The following NCOR1 variants were observed in gnomAD, a reference collection of about 807,000 sequenced individuals.
The protein encoded by NCOR1 is protein phosphatase 1, regulatory subunit 109.
A neutral mutation model predicts 288.1 loss-of-function variants in NCOR1; 63 were observed. That is an observed-to-expected ratio of 0.22 (90% CI 0.18 to 0.27). NCOR1 has a LOEUF of 0.27. NCOR1 is among the 10% of genes least tolerant of loss of function. The pLI is 1.00. For missense variants in NCOR1, 2,397 were observed against 3,019.2 expected, an observed-to-expected ratio of 0.79 and a Z score of 4.83; for synonymous variants, 1,007 against 1,065.9, an observed-to-expected ratio of 0.94 and a Z score of 1.08.
chr17:16,037,805 A>C (rs1202932702), intron 44 of NCOR1, among the ~76,000 whole-genome samples: 1 of 152,232 alleles, frequency 6.6e-6, no homozygotes, highest in Non-Finnish European at 1.5e-5. Context: ...AACTCAGCAG[A>C]ATTTCACAGA....
intron 26 of NCOR1, among the ~76,000 whole-genome samples, chr17:16,078,165 A>G (rs892930580): frequency 6.6e-6 from 1 of 152,202 alleles, no homozygotes; most frequent in Non-Finnish European, 1.5e-5. Flanking sequence ...TGCAAGAGAG[A>G]GCAGCTTGGT....
rs1971770165 is a variant in NCOR1, at chr17:16,029,632, A to G, written c.*2664T>C. On this transcript the variant is annotated 3_prime_UTR_variant, in exon 46 of 46. Coordinates refer to ENST00000268712, the MANE Select transcript of NCOR1 (RefSeq NM_006311.4). ...ACACTGAAATCTAAGTCTACAAAGA[A>G]TATCATGTTTTGGTTTGCAGTGAAC... 1 of 173,062 alleles carries G rather than the reference A, an allele frequency of 5.8e-6. No homozygotes were observed. Among genetic ancestry groups the G allele is most frequent in the Admixed American group, 5.8e-5 (1 of 17,322 alleles). 10.7% of individuals were successfully genotyped at this position (173,062 alleles called of 1,614,324 possible).
chr17:16,147,717 C>T (rs2078208959), intron 9 of NCOR1, among the ~76,000 whole-genome samples: 1 of 152,188 alleles, frequency 6.6e-6, no homozygotes, highest in Non-Finnish European at 1.5e-5. Flanking sequence ...TGTCCTTCAT[C>T]TTTTCTCCTT....
intron 44 of NCOR1, among the ~76,000 whole-genome samples, chr17:16,038,143 T>A (rs2056802331): frequency 6.6e-6 from 1 of 152,012 alleles, no homozygotes. Flanking sequence ...TGCTTGAAGA[T>A]AACAGGAAAA....
chr17:16,143,553 TTAAAATGCTTTAA>T (rs1205124663), intron 11 of NCOR1, 40 bp downstream of exon 11: 1 of 1,419,512 alleles, frequency 7.0e-7, no homozygotes, highest in African/African-American at 1.4e-5. Flanking sequence ...TCCTACAGAG[TTAAAATGCTTTAA>T]TAATTAACGA....
chr17:16,088,905 T>C (rs1015281765), intron 22 of NCOR1, among the ~76,000 whole-genome samples: 3 of 152,172 alleles, frequency 2.0e-5, no homozygotes, highest in African/African-American at 4.8e-5. Context: ...ATCAAGACGA[T>C]GGTACTTTTT....
chr17:16,174,240 C>T (rs773799080), intron 3 of NCOR1, among the ~76,000 whole-genome samples: 4 of 152,138 alleles, frequency 2.6e-5, no homozygotes, highest in Non-Finnish European at 4.4e-5. Flanking sequence ...AACAGCCAAA[C>T]AATCTTGGAA....
chr17:16,032,897 C>A (rs2151780385), intron 45 of NCOR1, among the ~76,000 whole-genome samples: 1 of 152,322 alleles, frequency 6.6e-6, no homozygotes, highest in African/African-American at 2.4e-5. Context: ...CGTCTGCAGA[C>A]TGAGGGGCAG....
intron 1 of NCOR1, among the ~76,000 whole-genome samples, chr17:16,207,649 G>C (rs950216920): frequency 6.6e-6 from 1 of 151,154 alleles, no homozygotes; most frequent in African/African-American, 2.4e-5. Context: ...GCTGAGGCAG[G>C]AGAATGGTGT....
chr17:16,039,770 A>T (rs1335788736), intron 43 of NCOR1, 116 bp from the exon 44 acceptor site: 1 of 912,794 alleles, frequency 1.1e-6, no homozygotes, highest in Non-Finnish European at 1.7e-6. Context: ...GACCTAGAAC[A>T]ATACCAGGAC....
chr17:16,091,575 G>A (rs1012580588), intron 22 of NCOR1: 100 of 1,221,904 alleles, frequency 8.2e-5, no homozygotes, highest in Admixed American at 1.1e-4. Flanking sequence ...TCAGATGAAC[G>A]GAACATAAAG....
intron 19 of NCOR1, among the ~76,000 whole-genome samples, chr17:16,107,054 G>A (rs938565480): frequency 3.3e-5 from 5 of 150,936 alleles, no homozygotes; most frequent in African/African-American, 7.3e-5. Context: ...CACCATGCCC[G>A]GCTAACTTTT....
At position 16,032,037 on chromosome 17, in the gene NCOR1, A is replaced by T. The variant is rs1289287050; in HGVS notation, c.*259T>A. Reference sequence around the variant, plus strand: ...TAAGAACAGCAACTGTTCACTTTTTAAAAACTCTACATCTCAACCCTCCAC... The same window carrying T: ...TAAGAACAGCAACTGTTCACTTTTTTAAAACTCTACATCTCAACCCTCCAC... On this transcript the variant is annotated 3_prime_UTR_variant, in exon 46 of 46. Transcript: ENST00000268712. The T allele has an allele frequency of 1.9e-5, 8 of 429,546 alleles. No homozygotes were observed. The highest frequency in any genetic ancestry group is 3.3e-5 in the Non-Finnish European group (8 of 243,486). The allele number at this position is 429,546 out of a possible 1,614,324, so 26.6% of individuals were successfully genotyped here. A position where few individuals can be genotyped will look rare whatever the true frequency, so the allele number is the denominator to read the frequency against.
intron 6 of NCOR1, among the ~76,000 whole-genome samples, chr17:16,158,271 G>A (rs1568383886): frequency 6.6e-6 from 1 of 152,132 alleles, no homozygotes; most frequent in Non-Finnish European, 1.5e-5. Flanking sequence ...ACCATGCCCC[G>A]CCTTGAACTT....
At position 16,080,631 on chromosome 17, in the gene NCOR1, G is replaced by A. The variant is rs759870954; in HGVS notation, c.3274C>T (p.Arg1092Trp). ...CCTGATTTGGCAGATTCCTGTTGCC[G>A]TGGCAGTCCAAGAGAGATAGATCCC... The part of the protein sequence containing the change: ...SVGSISLGLP[R>W]QQESAKSATL... The change falls in exon 24 of 46, where the codon CGG (arginine) becomes TGG (tryptophan). Residue 1092 changes from arginine (R) to tryptophan (W), a missense_variant. Physicochemically the swap from Arg to Trp is moderately radical, Grantham distance 101. Around this residue, in one of 11 missense-constraint regions of NCOR1, gnomAD observed 1,872 missense variants for 2,187.8 expected, o/e 0.86. Transcript: ENST00000268712. 1.1e-5 allele frequency: 17 copies of A among 1,614,050 alleles called. No homozygotes were observed. Among genetic ancestry groups the A allele is most frequent in the Middle Eastern group, 1.6e-4 (1 of 6,062 alleles).
At position 16,031,288 on chromosome 17, in the gene NCOR1, G is replaced by T. The variant is rs1323919990; in HGVS notation, c.*1008C>A. The T allele has an allele frequency of 1.5e-5, 3 of 193,832 alleles. No individual in the cohort carries two copies. The highest frequency in any genetic ancestry group is 7.0e-5 in the African/African-American group (3 of 43,160). The allele number at this position is 193,832 out of a possible 1,614,324, so 12.0% of individuals were successfully genotyped here. On this transcript the variant is annotated 3_prime_UTR_variant, in exon 46 of 46. Coordinates refer to ENST00000268712, the MANE Select transcript of NCOR1 (RefSeq NM_006311.4). ...ATAAAGCTTATCTAAATACTACACA[G>T]ATCATTATCTTTTAACCCAACCAAT...
chr17:16,101,802 G>A (rs2153001397), intron 19 of NCOR1, 45 bp from the exon 20 acceptor site: 1 of 1,607,266 alleles, frequency 6.2e-7, no homozygotes, highest in Non-Finnish European at 8.5e-7. Context: ...ACTATTTTCT[G>A]CACCTTAAAG....
chr17:16,101,687 A>G lies in NCOR1; in HGVS notation c.2253T>C (p.Val751=), dbSNP rs925876744. The part of the protein sequence containing the change: ...ATSRGNTEPA[V]ELEPTTETAP... ...CAGTTTCCGTGGTGGGCTCAAGCTC[A>G]ACCGCAGGTTCTGTGTTTCCTCGAG... The change falls in exon 20 of 46, where the codon GTT becomes GTC. Residue 751 remains valine (V), a synonymous_variant. Coordinates refer to ENST00000268712, the MANE Select transcript of NCOR1 (RefSeq NM_006311.4). 3.1e-6 allele frequency: 5 copies of G among 1,614,114 alleles called. No individual in the cohort carries two copies. Among genetic ancestry groups the G allele is most frequent in the Admixed American group, 3.3e-5 (2 of 60,008 alleles).
rs1318019829 is a variant in NCOR1, at chr17:16,075,811, AAAG to A, written c.3502-112_3502-110del. ...CAGAGTCAGGCTAATCTATAGCTTC[AAAG>A]AAGAAAGCACACATACATGAAAGGA... On this transcript the variant is annotated intron_variant, in intron 26 of 45. Transcript: ENST00000268712. The A allele has an allele frequency of 1.2e-5, 14 of 1,188,414 alleles. No homozygotes were observed. The African/African-American group carries it at 2.0e-4, about 17-fold the overall frequency. 73.6% of individuals were successfully genotyped at this position (1,188,414 alleles called of 1,614,324 possible). A position where few individuals can be genotyped will look rare whatever the true frequency, so the allele number is the denominator to read the frequency against.
Sources: gnomAD v4.1 joint callset for allele counts (sites outside exome capture counted in the v4.1 genomes callset) on GRCh38, gnomAD v4.1.1 for gene constraint, gnomAD v4.1.1 regional missense constraint, MANE v1.5 for transcripts, NCBI Gene and HGNC (gene_info 2026-07-23, HGNC 2026-07-21) for gene names.